Variants in UBXN4 observed in about 807,000 individuals in gnomAD.
UBXN4 encodes UBX domain protein 4.
In UBXN4, 35 loss-of-function variants were observed where a neutral mutation model predicts 66.2. The observed-to-expected ratio is 0.53, with a 90% confidence interval of 0.40 to 0.70. The LOEUF is 0.70. Among genes scored for constraint, UBXN4 ranks in the 30% least tolerant of loss-of-function variants. The pLI, the probability that UBXN4 is intolerant of heterozygous loss-of-function variation, is 0.00. For missense variants in UBXN4, 533 were observed against 599.8 expected (o/e 0.89, Z 1.16); for synonymous variants, 203 against 204.5 (o/e 0.99, Z 0.06).
intron 6 of UBXN4, among the ~76,000 whole-genome samples, chr2:135,767,859 G>C (rs558287920): frequency 2.6e-4 from 39 of 152,240 alleles, no homozygotes; most frequent in African/African-American, 8.2e-4. Context: ...CCCCTTAGCA[G>C]TTAAGACATG....
chr2:135,765,569 A>G (rs1575319951), intron 6 of UBXN4, among the ~76,000 whole-genome samples: 1 of 152,204 alleles, frequency 6.6e-6, no homozygotes, highest in East Asian at 1.9e-4. Context: ...TACTACCATG[A>G]ATTCTAGTCT....
intron 1 of UBXN4, among the ~76,000 whole-genome samples, chr2:135,743,108 G>C (rs2105488317): frequency 6.6e-6 from 1 of 152,286 alleles, no homozygotes; most frequent in East Asian, 1.9e-4. Context: ...TTTAATAACG[G>C]TTTATTCATA....
At chr2:135,782,058 G>A (rs759557852) in intron 12 of UBXN4, among the ~76,000 whole-genome samples, 2 of 152,230 alleles carry the variant, frequency 1.3e-5, no homozygotes, top group African/African-American at 4.8e-5. Flanking sequence ...CTGGGCAACA[G>A]AGGGGACACC....
At chr2:135,778,919 T>A (rs780804186) in intron 10 of UBXN4, 29 bp from the exon 11 acceptor site, 2 of 1,580,512 alleles carry the variant, frequency 1.3e-6, no homozygotes, top group Admixed American at 3.7e-5. Flanking sequence ...TTAAAGGCAC[T>A]CTTTAAGTTT....
At chr2:135,742,980 A>G (rs2077186282) in intron 1 of UBXN4, among the ~76,000 whole-genome samples, 1 of 152,082 alleles carries the variant, frequency 6.6e-6, no homozygotes, top group Non-Finnish European at 1.5e-5. Flanking sequence ...TATTACTGAA[A>G]TCTTGTAGAT....
At chr2:135,746,095 C>G (rs1437085624) in intron 1 of UBXN4, among the ~76,000 whole-genome samples, 1 of 151,884 alleles carries the variant, frequency 6.6e-6, no homozygotes, top group Admixed American at 6.6e-5. Flanking sequence ...CCGGGATGAT[C>G]TAGATCTCTT....
chr2:135,773,923 A>G (rs1166349457), intron 9 of UBXN4, among the ~76,000 whole-genome samples: 1 of 152,254 alleles, frequency 6.6e-6, no homozygotes, highest in Non-Finnish European at 1.5e-5. Flanking sequence ...GGATAAGAAT[A>G]CTTAACATTG....
At chr2:135,753,127 G>A (rs1575315343) in intron 2 of UBXN4, among the ~76,000 whole-genome samples, 1 of 147,984 alleles carries the variant, frequency 6.8e-6, no homozygotes, top group South Asian at 2.2e-4. Context: ...GGGTTCAAGC[G>A]ATTCTCCTGC....
chr2:135,769,866 T>C (rs1415909584), intron 7 of UBXN4, 43 bp downstream of exon 7: 2 of 1,459,068 alleles, frequency 1.4e-6, no homozygotes, highest in Non-Finnish European at 1.9e-6. Context: ...TCTCATTAAC[T>C]GAGGTTGTGA....
chr2:135,766,258 C>T (rs761230445), intron 6 of UBXN4, among the ~76,000 whole-genome samples: 5 of 151,990 alleles, frequency 3.3e-5, no homozygotes, highest in African/African-American at 7.2e-5. Flanking sequence ...AACAAACTTG[C>T]GTTTGTATTT....
At position 135,770,518 on chromosome 2, in the gene UBXN4, A is replaced by G. The variant is rs936693775; in HGVS notation, c.658-53A>G. 8.0e-6 allele frequency: 10 copies of G among 1,242,280 alleles called. 1 individual carries two copies. The South Asian group carries it at 1.6e-4, about 19-fold the overall frequency. The allele number at this position is 1,242,280 out of a possible 1,614,324, so 77.0% of individuals were successfully genotyped here. A position where few individuals can be genotyped will look rare whatever the true frequency, so the allele number is the denominator to read the frequency against. On this transcript the variant is annotated intron_variant, in intron 7 of 12. Transcript: ENST00000272638. ...CAGTTTTCGTTGCATTCAAAATAATATCTGGGGCAGATTATCAAGTTTTTG... is the reference window on the plus strand; with the variant it reads ...CAGTTTTCGTTGCATTCAAAATAATGTCTGGGGCAGATTATCAAGTTTTTG...
At chr2:135,771,230 A>G (rs965564068) in intron 8 of UBXN4, among the ~76,000 whole-genome samples, 5 of 152,174 alleles carry the variant, frequency 3.3e-5, no homozygotes, top group Admixed American at 2.6e-4. Flanking sequence ...TAATCCCAGC[A>G]CTTTGGGAGG....
intron 2 of UBXN4, among the ~76,000 whole-genome samples, chr2:135,752,999 T>G (rs1351271693): frequency 6.8e-6 from 1 of 147,172 alleles, no homozygotes; most frequent in Admixed American, 6.9e-5. Flanking sequence ...ATTATACCTG[T>G]GAGCTACCAC....
In UBXN4 at chr2:135,782,739, T is replaced by C; in HGVS notation, c.1389-10T>C. 6.2e-7 allele frequency: 1 copy of C among 1,609,912 alleles called. No homozygotes were observed. Among genetic ancestry groups the C allele is most frequent in the African/African-American group, 1.3e-5 (1 of 74,510 alleles). ...GACATCTTCCCCTTGCTCCCTCTTTTTCGTATCAGGGAACCAGTGAGAAAA... is the reference window on the plus strand; with the variant it reads ...GACATCTTCCCCTTGCTCCCTCTTTCTCGTATCAGGGAACCAGTGAGAAAA... On this transcript the variant is annotated splice_polypyrimidine_tract_variant and intron_variant, in intron 12 of 12. Coordinates refer to ENST00000272638, the MANE Select transcript of UBXN4 (RefSeq NM_014607.4).
intron 12 of UBXN4, 105 bp downstream of exon 12, chr2:135,780,490 GT>G: frequency 9.9e-7 from 1 of 1,008,052 alleles, no homozygotes; most frequent in Non-Finnish European, 1.5e-6. Flanking sequence ...GTCCTCTCCA[GT>G]TCCCACGGTG....
intron 6 of UBXN4, among the ~76,000 whole-genome samples, chr2:135,763,182 G>C (rs1178297169): frequency 2.6e-5 from 4 of 152,122 alleles, no homozygotes; most frequent in Admixed American, 6.5e-5. Flanking sequence ...AATAACACCA[G>C]CGTATGTAAT....
At chr2:135,761,249 A>G (rs2077313836) in intron 5 of UBXN4, among the ~76,000 whole-genome samples, 1 of 152,234 alleles carries the variant, frequency 6.6e-6, no homozygotes, top group South Asian at 2.1e-4. Context: ...GAAATCCTTC[A>G]AAGAAAACTA....
At chr2:135,779,131 A>G (rs868839571) in intron 11 of UBXN4, 52 bp downstream of exon 11, 3 of 1,516,190 alleles carry the variant, frequency 2.0e-6, no homozygotes, top group African/African-American at 2.8e-5. Context: ...TCTGTTTATC[A>G]TACTCTTCAT....
intron 5 of UBXN4, among the ~76,000 whole-genome samples, chr2:135,760,917 T>C (rs909405917): frequency 6.6e-6 from 1 of 152,230 alleles, no homozygotes; most frequent in African/African-American, 2.4e-5. Flanking sequence ...AGAAGAGATA[T>C]GCACCATCGT....
Sources: allele counts gnomAD v4.1 joint callset (sites outside exome capture counted in the v4.1 genomes callset), GRCh38; gene constraint gnomAD v4.1.1; transcripts MANE v1.5; gene names NCBI Gene and HGNC (gene_info 2026-07-23, HGNC 2026-07-21).